Variants in FAF1 observed in about 807,000 individuals in gnomAD.
FAF1 encodes the protein FAS-associated factor 1.
A neutral mutation model predicts 92.5 loss-of-function variants in FAF1; 25 were observed. The ratio of observed to expected loss-of-function variants is 0.27; its 90% CI spans 0.20 to 0.38. FAF1 has a LOEUF of 0.38. FAF1 is among the 10% of genes least tolerant of loss of function. The pLI is 1.00. For missense variants in FAF1, 636 were observed against 793.3 expected (o/e 0.80, Z 2.38); for synonymous variants, 234 against 273.2 (o/e 0.86, Z 1.42).
intron 8 of FAF1, among the ~76,000 whole-genome samples, chr1:50,624,204 G>A (rs1310273442): frequency 2.0e-5 from 3 of 152,060 alleles, no homozygotes; most frequent in East Asian, 3.9e-4. Flanking sequence ...CTGGGGTGGA[G>A]TGGCGTGATC....
intron 13 of FAF1, among the ~76,000 whole-genome samples, chr1:50,565,745 G>T (rs1650151176): frequency 6.6e-6 from 1 of 152,062 alleles, no homozygotes. Context: ...TTAAATGGAG[G>T]ATAGAACAAA....
Position 50,579,687 on chromosome 1 carries a change from A to G in FAF1, c.1113+2931T>C, listed in dbSNP as rs965898211. 1.7e-4 allele frequency among the ~76,000 whole-genome samples: 26 copies of G among 152,150 alleles called. 1 individual carries two copies. The highest frequency in any genetic ancestry group is 5.9e-5 in the Non-Finnish European group (4 of 67,988). ...CAGAAAAATAATATCACAAGGAAAC[A>G]ATCACACAAATCCAGAATTTGGAAC... On this transcript the variant is annotated intron_variant, in intron 12 of 18. Transcript: ENST00000396153.
intron 2 of FAF1, chr1:50,846,375 G>A (rs969928460): frequency 2.8e-5 from 9 of 319,144 alleles, no homozygotes; most frequent in East Asian, 1.1e-4. Context: ...CGTCAGGCCC[G>A]GCCACCTCCA....
At chr1:50,780,771 G>C (rs924072711) in intron 4 of FAF1, 2 of 313,330 alleles carry the variant, frequency 6.4e-6, no homozygotes, top group African/African-American at 4.4e-5. Context: ...GAGGGAGCTG[G>C]TCTCCACACA....
chr1:50,861,495 C>G (rs965215448), intron 1 of FAF1, among the ~76,000 whole-genome samples: 2 of 151,688 alleles, frequency 1.3e-5, no homozygotes, highest in East Asian at 3.9e-4. Flanking sequence ...GAGAGTTAAA[C>G]AATGGAGACA....
At chr1:50,493,990 T>C (rs1646870782) in intron 15 of FAF1, among the ~76,000 whole-genome samples, 1 of 152,222 alleles carries the variant, frequency 6.6e-6, no homozygotes, top group Non-Finnish European at 1.5e-5. Flanking sequence ...TGAAAGGCCA[T>C]CAAATACAGG....
intron 8 of FAF1, among the ~76,000 whole-genome samples, chr1:50,604,646 T>C (rs559537841): frequency 6.6e-6 from 1 of 152,200 alleles, no homozygotes; most frequent in South Asian, 2.1e-4. Context: ...TGGCTGAGTC[T>C]GCAGGTGCAT....
intron 12 of FAF1, among the ~76,000 whole-genome samples, chr1:50,574,896 C>CTGTTTTTTTTTTGTTTTTT: frequency 8.1e-6 from 1 of 122,916 alleles, no homozygotes; most frequent in South Asian, 2.7e-4. Context: ...GTTGTATTAA[C>CTGTTTTTTTTTTGTTTTTT]TCTTTTTTTT....
At chr1:50,529,594 T>A (rs1299528064) in intron 15 of FAF1, among the ~76,000 whole-genome samples, 1 of 152,156 alleles carries the variant, frequency 6.6e-6, no homozygotes, top group Non-Finnish European at 1.5e-5. Flanking sequence ...TGAGAAACAT[T>A]GCCCCAGAAG....
intron 1 of FAF1, among the ~76,000 whole-genome samples, chr1:50,884,453 G>A (rs1178866234): frequency 1.3e-5 from 2 of 151,736 alleles, no homozygotes; most frequent in Non-Finnish European, 2.9e-5. Flanking sequence ...GCTTGAACCT[G>A]GTAGGTGGAG....
intron 8 of FAF1, among the ~76,000 whole-genome samples, chr1:50,652,213 C>T (rs1265790288): frequency 6.6e-6 from 1 of 152,186 alleles, no homozygotes; most frequent in Non-Finnish European, 1.5e-5. Flanking sequence ...AGTAGTATTA[C>T]AGTCTTGGAA....
chr1:50,598,159 G>A (rs1651918788), intron 8 of FAF1, among the ~76,000 whole-genome samples: 1 of 152,080 alleles, frequency 6.6e-6, no homozygotes. Flanking sequence ...AGCTGGGTAT[G>A]GGGGTGCACG....
chr1:50,820,476 T>C, intron 2 of FAF1, among the ~76,000 whole-genome samples: 1 of 152,198 alleles, frequency 6.6e-6, no homozygotes, highest in East Asian at 1.9e-4. Flanking sequence ...TTACCTTTTG[T>C]GTGCATGTGT....
intron 7 of FAF1, among the ~76,000 whole-genome samples, chr1:50,672,668 T>C (rs1218812046): frequency 6.6e-6 from 1 of 152,180 alleles, no homozygotes; most frequent in Non-Finnish European, 1.5e-5. Flanking sequence ...GTAGAAAATA[T>C]AGAGCAACAT....
intron 2 of FAF1, among the ~76,000 whole-genome samples, chr1:50,812,160 A>C (rs1430484749): frequency 6.6e-6 from 1 of 152,200 alleles, no homozygotes; most frequent in Non-Finnish European, 1.5e-5. Context: ...ATTTCATGAC[A>C]AACACGCCAA....
At chr1:50,622,527 C>A (rs1653264547) in intron 8 of FAF1, among the ~76,000 whole-genome samples, 1 of 152,200 alleles carries the variant, frequency 6.6e-6, no homozygotes, top group South Asian at 2.1e-4. Flanking sequence ...CTCATCCACT[C>A]TCTTGAGAGT....
chr1:50,608,053 T>C (rs1652508144), intron 8 of FAF1, among the ~76,000 whole-genome samples: 1 of 152,248 alleles, frequency 6.6e-6, no homozygotes, highest in South Asian at 2.1e-4. Flanking sequence ...GGCTCCCCCA[T>C]AGGCAGTGTG....
chr1:50,657,247 GT>G lies in FAF1; in HGVS notation c.658-1720del, dbSNP rs1236588603. 1.1e-4 allele frequency among the ~76,000 whole-genome samples: 17 copies of G among 148,498 alleles called. No homozygotes were observed. In the East Asian group the frequency reaches 2.0e-3, roughly 17 times the overall value. On this transcript the variant is annotated intron_variant, in intron 7 of 18. Transcript: ENST00000396153. ...AAAAAGCAGTATGTCTCTCTTCAGG[GT>G]TTTTTTTTTCTATTTTAGTTTTTAT...
intron 15 of FAF1, among the ~76,000 whole-genome samples, chr1:50,525,492 T>C (rs1298509864): frequency 6.6e-6 from 1 of 152,244 alleles, no homozygotes; most frequent in Non-Finnish European, 1.5e-5. Flanking sequence ...TGTAAGATCA[T>C]GCCATCTGCA....
Sources: allele counts gnomAD v4.1 joint callset (sites outside exome capture counted in the v4.1 genomes callset), GRCh38; gene constraint gnomAD v4.1.1; transcripts MANE v1.5; gene names NCBI Gene and HGNC (gene_info 2026-07-23, HGNC 2026-07-21).